Variants in PAG1 observed in about 807,000 individuals in gnomAD.
PAG1 encodes the protein phosphoprotein associated with glycosphingolipid-enriched microdomains 1.
PAG1 carries 23 observed loss-of-function variants against 31.7 expected under a neutral mutation model. The ratio of observed to expected loss-of-function variants is 0.73; its 90% CI spans 0.52 to 1.03. The LOEUF (loss-of-function observed/expected upper bound fraction) is 1.03, where lower values mean the gene tolerates loss of function less well. Ranked by LOEUF, PAG1 falls within the 50% of genes least tolerant of loss-of-function variation. The pLI is 0.00. For synonymous variants in PAG1, 214 were observed against 210.3 expected (o/e 1.02, Z -0.15); for missense variants, 473 against 540.7 (o/e 0.87, Z 1.24).
chr8:80,996,743 G>A lies in PAG1; in HGVS notation c.-80-3436C>T, dbSNP rs376063736. 4.6e-5 allele frequency among the ~76,000 whole-genome samples: 7 copies of A among 152,266 alleles called. No homozygotes were observed. The South Asian group carries it at 1.0e-3, about 23-fold the overall frequency. ...CCCCTAGGCTGGACCCTCATGTGTC[G>A]GTTTAACTGCCCTTAAATGCAGTGC... On this transcript the variant is annotated intron_variant, in intron 3 of 8. Coordinates refer to ENST00000220597, the MANE Select transcript of PAG1 (RefSeq NM_018440.4).
intron 2 of PAG1, 25 bp downstream of exon 2, chr8:81,070,087 A>G (rs1170458939): frequency 6.6e-6 from 1 of 152,266 alleles, no homozygotes; most frequent in African/African-American, 2.4e-5. Context: ...AGAATAAACC[A>G]GATAAATAAA....
At chr8:81,001,010 A>C (rs1043632236) in intron 3 of PAG1, among the ~76,000 whole-genome samples, 1 of 152,176 alleles carries the variant, frequency 6.6e-6, no homozygotes. Flanking sequence ...CCATTTCTAA[A>C]GGAAAAAGGA....
intron 3 of PAG1, among the ~76,000 whole-genome samples, chr8:80,997,888 C>T (rs1403113697): frequency 1.3e-5 from 2 of 151,962 alleles, no homozygotes; most frequent in Non-Finnish European, 2.9e-5. Flanking sequence ...ACCTCAATCT[C>T]CACCCCAATT....
At chr8:81,006,834 T>TAA (rs1288696790) in intron 3 of PAG1, among the ~76,000 whole-genome samples, 1 of 152,226 alleles carries the variant, frequency 6.6e-6, no homozygotes, top group African/African-American at 2.4e-5. Context: ...GCCACAGTAT[T>TAA]AAGAACTTTT....
chr8:81,012,830 C>T (rs576374393), intron 3 of PAG1, among the ~76,000 whole-genome samples: 1 of 152,116 alleles, frequency 6.6e-6, no homozygotes, highest in African/African-American at 2.4e-5. Flanking sequence ...CAAAAGGAAA[C>T]CCTGGGCACT....
chr8:81,039,149 G>C (rs1808511330), intron 2 of PAG1, among the ~76,000 whole-genome samples: 1 of 152,168 alleles, frequency 6.6e-6, no homozygotes, highest in Admixed American at 6.5e-5. Flanking sequence ...CTCTGTGTGT[G>C]TGTGTGCATG....
intron 1 of PAG1, among the ~76,000 whole-genome samples, chr8:81,104,817 T>C (rs1383531759): frequency 2.0e-5 from 3 of 152,120 alleles, no homozygotes; most frequent in African/African-American, 7.2e-5. Flanking sequence ...GTCTGTCCCT[T>C]ACCCCATCCA....
intron 3 of PAG1, among the ~76,000 whole-genome samples, chr8:81,008,760 A>G (rs1185602346): frequency 6.6e-6 from 1 of 152,070 alleles, no homozygotes; most frequent in East Asian, 1.9e-4. Flanking sequence ...CTGGAATACC[A>G]ACATCCTCCA....
chr8:81,098,293 A>G (rs557155672), intron 1 of PAG1, among the ~76,000 whole-genome samples: 4 of 152,232 alleles, frequency 2.6e-5, no homozygotes, highest in African/African-American at 4.8e-5. Flanking sequence ...GCAAAATTCA[A>G]TAATTTGCAA....
intron 1 of PAG1, among the ~76,000 whole-genome samples, chr8:81,104,769 C>T (rs1481830275): frequency 6.6e-6 from 1 of 152,146 alleles, no homozygotes; most frequent in African/African-American, 2.4e-5. Context: ...TTTAAATCCA[C>T]ACCAGTATTC....
At chr8:81,040,448 T>C (rs1344900166) in intron 2 of PAG1, among the ~76,000 whole-genome samples, 1 of 152,118 alleles carries the variant, frequency 6.6e-6, no homozygotes, top group Non-Finnish European at 1.5e-5. Context: ...TCAGGTGATT[T>C]GGTGTTAGAA....
At chr8:81,098,788 G>A (rs1306070931) in intron 1 of PAG1, among the ~76,000 whole-genome samples, 1 of 152,118 alleles carries the variant, frequency 6.6e-6, no homozygotes, top group African/African-American at 2.4e-5. Flanking sequence ...AGTCTGATGG[G>A]AAGTTAACGT....
chr8:81,066,400 T>A (rs2130948221), intron 2 of PAG1, among the ~76,000 whole-genome samples: 1 of 152,334 alleles, frequency 6.6e-6, no homozygotes, highest in South Asian at 2.1e-4. Context: ...AAGCTCTTCT[T>A]ATTGTGCCTG....
chr8:80,977,170 G>A (rs1006718437), intron 8 of PAG1, among the ~76,000 whole-genome samples: 1 of 152,208 alleles, frequency 6.6e-6, no homozygotes, highest in African/African-American at 2.4e-5. Context: ...AATTTGAGGA[G>A]AGGTGGAGTG....
At chr8:81,094,553 T>G (rs1215533046) in intron 1 of PAG1, among the ~76,000 whole-genome samples, 1 of 152,194 alleles carries the variant, frequency 6.6e-6, no homozygotes, top group Non-Finnish European at 1.5e-5. Context: ...CTTAAACCTT[T>G]CAACTTCTTT....
chr8:81,108,948 C>T (rs185830900), intron 1 of PAG1, among the ~76,000 whole-genome samples: 8 of 152,270 alleles, frequency 5.3e-5, no homozygotes, highest in South Asian at 2.1e-4. Flanking sequence ...CCAGGGATGA[C>T]GCTGTTTGTG....
chr8:80,982,804 T>C (rs983820020), intron 7 of PAG1, among the ~76,000 whole-genome samples: 2 of 152,204 alleles, frequency 1.3e-5, no homozygotes, highest in African/African-American at 4.8e-5. Flanking sequence ...CTCTTCTTTA[T>C]CTCACTAAGC....
At chr8:80,992,997 C>T (rs1264758258) in intron 4 of PAG1, 106 bp downstream of exon 4, 5 of 951,156 alleles carry the variant, frequency 5.3e-6, no homozygotes, top group South Asian at 2.2e-5. Context: ...GTTTCTGGGA[C>T]GGCTCTGTGG....
In PAG1 at chr8:81,090,289, T is replaced by G. The variant is rs188168355; in HGVS notation, c.-233-20119A>C. 2.3e-4 allele frequency among the ~76,000 whole-genome samples: 35 copies of G among 152,334 alleles called. No homozygotes were observed. In the East Asian group the frequency reaches 6.8e-3, roughly 29 times the overall value. On this transcript the variant is annotated intron_variant, in intron 1 of 8. Coordinates refer to ENST00000220597, the MANE Select transcript of PAG1 (RefSeq NM_018440.4). ...TAAAACAAGAACACATCTATGGAGC[T>G]CTTATTCTGTGCCAGACTCTGTTCT...
Sources: gnomAD v4.1 joint callset for allele counts (sites outside exome capture counted in the v4.1 genomes callset) on GRCh38, gnomAD v4.1.1 for gene constraint, MANE v1.5 for transcripts, NCBI Gene and HGNC (gene_info 2026-07-23, HGNC 2026-07-21) for gene names.